The following ITGBL1 variants were observed in gnomAD, a reference collection of about 807,000 sequenced individuals.
The protein encoded by ITGBL1 is integrin beta-like protein 1.
A neutral mutation model predicts 68.5 loss-of-function variants in ITGBL1; 51 were observed. The observed-to-expected ratio is 0.74, with a 90% CI of 0.59 to 0.94. The LOEUF is 0.94. Among genes scored for constraint, ITGBL1 ranks in the 40% least tolerant of loss-of-function variants. The probability of loss-of-function intolerance (pLI) is 0.00; values close to 1 mark genes in which losing one functional copy is unlikely to be tolerated. For synonymous variants in ITGBL1, 209 were observed against 227.3 expected (o/e 0.92, Z 0.72); for missense variants, 649 against 647.4 (o/e 1.00, Z -0.03).
chr13:101,452,774 C>T lies in ITGBL1; in HGVS notation c.-60C>T. On this transcript the variant is annotated 5_prime_UTR_variant, in exon 1 of 11. Transcript: ENST00000376180. ...GTGGCACCTCTCCCTCCTGCCGCCT[C>T]CCTCGGTGAACCCCACCTTGCAGAA... The T allele has an allele frequency of 7.1e-7, 1 of 1,405,864 alleles. No homozygotes were observed. The highest frequency in any genetic ancestry group is 1.0e-6 in the Non-Finnish European group (1 of 991,824). 87.1% of individuals were successfully genotyped at this position (1,405,864 alleles called of 1,614,324 possible).
At chr13:101,560,492 G>T (rs924702331) in intron 2 of ITGBL1, among the ~76,000 whole-genome samples, 11 of 152,046 alleles carry the variant, frequency 7.2e-5, no homozygotes, top group Non-Finnish European at 1.3e-4. Context: ...TAAAATTGTT[G>T]CCAGTAATAA....
intron 2 of ITGBL1, among the ~76,000 whole-genome samples, chr13:101,461,638 T>C (rs541689466): frequency 3.9e-5 from 6 of 152,118 alleles, no homozygotes; most frequent in Admixed American, 2.0e-4. Flanking sequence ...GAGGCTGCAG[T>C]GAGCTATGAT....
chr13:101,549,399 A>AACTTTATATATGTCACAG (rs2049883195), intron 2 of ITGBL1, among the ~76,000 whole-genome samples: 2 of 151,942 alleles, frequency 1.3e-5, no homozygotes, highest in Non-Finnish European at 2.9e-5. Context: ...ATATGTCACA[A>AACTTTATATATGTCACAG]AACTTAGAAT....
At chr13:101,509,355 A>G (rs2049078328) in intron 2 of ITGBL1, among the ~76,000 whole-genome samples, 1 of 152,180 alleles carries the variant, frequency 6.6e-6, no homozygotes, top group Non-Finnish European at 1.5e-5. Context: ...ACAATTCAAG[A>G]TGAGATTTGG....
intron 6 of ITGBL1, among the ~76,000 whole-genome samples, chr13:101,594,611 C>T (rs767505313): frequency 6.6e-6 from 1 of 151,930 alleles, no homozygotes; most frequent in Non-Finnish European, 1.5e-5. Flanking sequence ...AACGTTTCTA[C>T]AGCAGCAAAG....
chr13:101,715,890 C>G lies in ITGBL1; in HGVS notation c.*236C>G, dbSNP rs758063334. The G allele has an allele frequency of 7.2e-6, 3 of 415,492 alleles. No individual in the cohort carries two copies. The highest frequency in any genetic ancestry group is 1.3e-5 in the Non-Finnish European group (3 of 227,574). The allele number at this position is 415,492 out of a possible 1,614,324, so 25.7% of individuals were successfully genotyped here. The stretch of plus-strand genomic sequence containing the variant: ...CATAATTAACATAAGTGGTTCCTAA[C>G]GAGAGCAATTTTTCCACCCAAAAGT... On this transcript the variant is annotated 3_prime_UTR_variant, in exon 11 of 11. Coordinates refer to ENST00000376180, the MANE Select transcript of ITGBL1 (RefSeq NM_004791.3).
chr13:101,494,014 A>G (rs2048819424), intron 2 of ITGBL1, among the ~76,000 whole-genome samples: 1 of 152,212 alleles, frequency 6.6e-6, no homozygotes, highest in South Asian at 2.1e-4. Flanking sequence ...ATCATTTATC[A>G]GAATACTCCA....
chr13:101,691,078 T>G (rs760835870), intron 7 of ITGBL1, among the ~76,000 whole-genome samples: 1 of 152,154 alleles, frequency 6.6e-6, no homozygotes, highest in Non-Finnish European at 1.5e-5. Flanking sequence ...GCTATGCTGT[T>G]GCATTTGCCA....
intron 6 of ITGBL1, among the ~76,000 whole-genome samples, chr13:101,596,104 G>A (rs111897503): frequency 6.7e-4 from 102 of 151,940 alleles, no homozygotes; most frequent in African/African-American, 2.3e-3. Context: ...AATAGTATTC[G>A]TCCTTTAAGA....
At chr13:101,476,377 A>G (rs565103604) in intron 2 of ITGBL1, among the ~76,000 whole-genome samples, 1 of 152,242 alleles carries the variant, frequency 6.6e-6, no homozygotes, top group African/African-American at 2.4e-5. Context: ...ATACCATCAG[A>G]AAAAATAATC....
chr13:101,476,236 TGTTA>T (rs780724630), intron 2 of ITGBL1, among the ~76,000 whole-genome samples: 5 of 152,138 alleles, frequency 3.3e-5, no homozygotes, highest in Non-Finnish European at 5.9e-5. Flanking sequence ...TCTCTTTGCT[TGTTA>T]GTTCATTTTT....
At chr13:101,597,743 G>A (rs1403598662) in intron 6 of ITGBL1, among the ~76,000 whole-genome samples, 8 of 151,832 alleles carry the variant, frequency 5.3e-5, no homozygotes, top group Non-Finnish European at 7.4e-5. Flanking sequence ...AGTAGAGACC[G>A]GGGTTTCACC....
At chr13:101,653,417 T>C (rs941926591) in intron 7 of ITGBL1, among the ~76,000 whole-genome samples, 2 of 152,124 alleles carry the variant, frequency 1.3e-5, no homozygotes, top group Non-Finnish European at 2.9e-5. Context: ...AATTCTGGGA[T>C]CATGAAGAGT....
intron 8 of ITGBL1, among the ~76,000 whole-genome samples, chr13:101,693,594 G>T (rs559597781): frequency 8.7e-5 from 13 of 149,342 alleles, no homozygotes; most frequent in African/African-American, 3.2e-4. Context: ...GAAGGCTGAG[G>T]CACCATCCAT....
intron 7 of ITGBL1, among the ~76,000 whole-genome samples, chr13:101,605,789 C>T (rs1361217440): frequency 8.6e-4 from 2 of 2,322 alleles, no homozygotes; most frequent in Non-Finnish European, 4.3e-3. Context: ...TATGTATGTG[C>T]GTATATGTAC....
intron 3 of ITGBL1, among the ~76,000 whole-genome samples, chr13:101,573,080 G>A (rs1434916865): frequency 6.6e-6 from 1 of 151,934 alleles, no homozygotes; most frequent in Non-Finnish European, 1.5e-5. Context: ...ATTTTCTATA[G>A]CACTTAGTTC....
At chr13:101,594,955 T>G (rs1273794338) in intron 6 of ITGBL1, among the ~76,000 whole-genome samples, 1 of 152,096 alleles carries the variant, frequency 6.6e-6, no homozygotes, top group Non-Finnish European at 1.5e-5. Flanking sequence ...ACACCTGTAG[T>G]CCCAACTACT....
At chr13:101,659,545 T>C (rs1005233691) in intron 7 of ITGBL1, among the ~76,000 whole-genome samples, 1 of 152,198 alleles carries the variant, frequency 6.6e-6, no homozygotes, top group Admixed American at 6.5e-5. Context: ...ATTTCAAATG[T>C]AGATTAATTT....
chr13:101,513,412 G>A (rs1486318350), intron 2 of ITGBL1, among the ~76,000 whole-genome samples: 1 of 151,984 alleles, frequency 6.6e-6, no homozygotes, highest in Non-Finnish European at 1.5e-5. Context: ...TATGGAGCTT[G>A]GGGATCCAAT....
Sources: gnomAD v4.1 joint callset for allele counts (sites outside exome capture counted in the v4.1 genomes callset) on GRCh38, gnomAD v4.1.1 for gene constraint, MANE v1.5 for transcripts, NCBI Gene and HGNC (gene_info 2026-07-23, HGNC 2026-07-21) for gene names.